NREP: variants seen among roughly 807,000 people sequenced by gnomAD.
NREP encodes neuronal regeneration-related protein.
NREP carries 5 observed loss-of-function variants against 8.6 expected under a neutral mutation model. The ratio of observed to expected loss-of-function variants is 0.58; its 90% CI spans 0.30 to 1.22. NREP has a LOEUF of 1.22. Ranked by LOEUF, NREP falls within the 50% of genes most tolerant of loss-of-function variation. The pLI, the probability that NREP is intolerant of heterozygous loss-of-function variation, is 0.07. For synonymous variants in NREP, 27 were observed against 28.0 expected (o/e 0.96, Z 0.11); for missense variants, 86 against 82.5 (o/e 1.04, Z -0.17).
chr5:111,946,801 G>A (rs938289535), intron 2 of NREP, among the ~76,000 whole-genome samples: 2 of 152,054 alleles, frequency 1.3e-5, no homozygotes, highest in Non-Finnish European at 1.5e-5. Flanking sequence ...ACCCTGCTAG[G>A]AGAAGATCAG....
chr5:111,783,140 T>A (rs916669826), intron 2 of NREP, among the ~76,000 whole-genome samples: 1 of 152,136 alleles, frequency 6.6e-6, no homozygotes, highest in Non-Finnish European at 1.5e-5. Flanking sequence ...AGACTATAGG[T>A]GACACTCTCA....
At chr5:111,860,253 C>G (rs1244856265) in intron 2 of NREP, among the ~76,000 whole-genome samples, 1 of 152,018 alleles carries the variant, frequency 6.6e-6, no homozygotes, top group Non-Finnish European at 1.5e-5. Context: ...CTGTCTCCCT[C>G]AGACTACACT....
At chr5:111,793,929 GC>G (rs1390293282) in intron 2 of NREP, among the ~76,000 whole-genome samples, 3 of 152,126 alleles carry the variant, frequency 2.0e-5, no homozygotes, top group African/African-American at 7.2e-5. Flanking sequence ...GGTGGCATAT[GC>G]CTGTAGTCCC....
At chr5:111,844,542 T>C (rs1753110713) in intron 2 of NREP, among the ~76,000 whole-genome samples, 1 of 150,848 alleles carries the variant, frequency 6.6e-6, no homozygotes, top group Admixed American at 6.6e-5. Context: ...TAATAGGAAA[T>C]ACAGAGCCAA....
rs181398292 is a variant in NREP at position 111,898,882 on chromosome 5, C to T, written c.135+76392G>A. ...CACTTATAATGGAATCCTCATCAGA[C>T]TAACAGTGGATTTCTCAGCAGAAAC... On this transcript the variant is annotated intron_variant, in intron 2 of 3. Coordinates refer to the NREP transcript ENST00000395634. Among the ~76,000 whole-genome samples, 100 of 152,072 alleles carry T rather than the reference C, an allele frequency of 6.6e-4. 1 individual carries two copies. The highest frequency in any genetic ancestry group is 1.9e-3 in the African/African-American group (79 of 41,478).
At chr5:111,923,498 T>C (rs1755302460) in intron 2 of NREP, among the ~76,000 whole-genome samples, 1 of 152,170 alleles carries the variant, frequency 6.6e-6, no homozygotes, top group African/African-American at 2.4e-5. Flanking sequence ...ATCCCTCTAC[T>C]AGTAGAGTCT....
At chr5:111,852,053 G>A (rs1026994641) in intron 2 of NREP, among the ~76,000 whole-genome samples, 3 of 152,130 alleles carry the variant, frequency 2.0e-5, no homozygotes, top group Non-Finnish European at 2.9e-5. Flanking sequence ...ATTAAGTCAT[G>A]AAGCTCCACC....
At chr5:111,916,064 C>A (rs1328804777) in intron 2 of NREP, among the ~76,000 whole-genome samples, 1 of 152,034 alleles carries the variant, frequency 6.6e-6, no homozygotes, top group Non-Finnish European at 1.5e-5. Context: ...TCAAACCTCA[C>A]CTTTAAAAGC....
intron 2 of NREP, among the ~76,000 whole-genome samples, chr5:111,896,972 T>A (rs922416634): frequency 2.0e-5 from 3 of 152,186 alleles, no homozygotes; most frequent in Admixed American, 6.6e-5. Context: ...CAGTTTATCA[T>A]CATATGTTTC....
At chr5:111,923,643 A>G (rs1187765714) in intron 2 of NREP, among the ~76,000 whole-genome samples, 1 of 152,202 alleles carries the variant, frequency 6.6e-6, no homozygotes, top group Non-Finnish European at 1.5e-5. Flanking sequence ...CAGTAGGGCC[A>G]CTGCTGCAAC....
At chr5:111,878,377 G>A (rs982518344) in intron 2 of NREP, among the ~76,000 whole-genome samples, 2 of 152,164 alleles carry the variant, frequency 1.3e-5, no homozygotes, top group Non-Finnish European at 2.9e-5. Flanking sequence ...GGCGGCAGGT[G>A]AGAGAGAGCA....
At chr5:111,897,944 T>C (rs1392098794) in intron 2 of NREP, among the ~76,000 whole-genome samples, 1 of 152,212 alleles carries the variant, frequency 6.6e-6, no homozygotes, top group South Asian at 2.1e-4. Flanking sequence ...TGATTTTGAA[T>C]TTTTTCTTAT....
At chr5:111,964,840 G>A (rs2112659486) in intron 2 of NREP, among the ~76,000 whole-genome samples, 1 of 88,010 alleles carries the variant, frequency 1.1e-5, no homozygotes. Context: ...AGTCTACTTA[G>A]AATGCTTTCA....
At chr5:111,967,376 C>A (rs1023376186) in intron 2 of NREP, among the ~76,000 whole-genome samples, 2 of 152,206 alleles carry the variant, frequency 1.3e-5, no homozygotes, top group African/African-American at 4.8e-5. Context: ...TCCTGGCTCA[C>A]TTTAATTCGT....
At chr5:111,812,577 G>A (rs1189233509) in intron 2 of NREP, among the ~76,000 whole-genome samples, 1 of 152,068 alleles carries the variant, frequency 6.6e-6, no homozygotes, top group Non-Finnish European at 1.5e-5. Flanking sequence ...CAATGACTTA[G>A]AAGTAACAGA....
upstream of NREP, chr5:111,758,321 C>T (rs1026655112): frequency 9.4e-5 from 85 of 905,862 alleles, no homozygotes; most frequent in Non-Finnish European, 1.1e-4. Flanking sequence ...CTTCTCCTTC[C>T]CTATACGCTC....
intron 3 of NREP, chr5:111,733,292 T>C (rs1350497897): frequency 1.3e-5 from 2 of 152,112 alleles, no homozygotes; most frequent in Non-Finnish European, 2.9e-5. Context: ...AAGACAAGCA[T>C]ACAGACTGGA....
chr5:111,876,685 C>G (rs1443692208), intron 2 of NREP, among the ~76,000 whole-genome samples: 5 of 152,216 alleles, frequency 3.3e-5, no homozygotes, highest in Admixed American at 6.5e-5. Flanking sequence ...AAGCACAACA[C>G]AGACTCTCCT....
intron 2 of NREP, among the ~76,000 whole-genome samples, chr5:111,871,893 T>C (rs964668155): frequency 6.7e-6 from 1 of 149,172 alleles, no homozygotes; most frequent in Non-Finnish European, 1.5e-5. Context: ...TCGTTCTATA[T>C]AGCATAACAC....
Sources: allele counts gnomAD v4.1 joint callset (sites outside exome capture counted in the v4.1 genomes callset), GRCh38; gene constraint gnomAD v4.1.1; transcripts MANE v1.5; gene names NCBI Gene and HGNC (gene_info 2026-07-23, HGNC 2026-07-21).